The following CNTNAP2 variants were observed in gnomAD, a reference collection of about 807,000 sequenced individuals.
The protein encoded by CNTNAP2 is contactin associated protein 2.
Under a neutral mutation model 155.2 loss-of-function variants are expected in CNTNAP2, and 98 were observed. That is an observed-to-expected ratio of 0.63 (90% CI 0.54 to 0.75). The LOEUF (loss-of-function observed/expected upper bound fraction) is 0.75, where lower values mean the gene tolerates loss of function less well. Among genes scored for constraint, CNTNAP2 ranks in the 30% least tolerant of loss-of-function variants. The probability of loss-of-function intolerance (pLI) is 0.00; values close to 1 mark genes in which losing one functional copy is unlikely to be tolerated. For missense variants in CNTNAP2, 1,727 were observed against 1,688.1 expected, an observed-to-expected ratio of 1.02 and a Z score of -0.40; for synonymous variants, 651 against 631.2, an observed-to-expected ratio of 1.03 and a Z score of -0.47.
intron 11 of CNTNAP2, among the ~76,000 whole-genome samples, chr7:147,487,383 A>G (rs1798528650): frequency 6.6e-6 from 1 of 152,220 alleles, no homozygotes; most frequent in Non-Finnish European, 1.5e-5. Flanking sequence ...TATAACTAAA[A>G]TTGTTCCTTA....
intron 11 of CNTNAP2, among the ~76,000 whole-genome samples, chr7:147,525,566 T>C (rs573801595): frequency 1.3e-5 from 2 of 152,158 alleles, no homozygotes; most frequent in Non-Finnish European, 2.9e-5. Flanking sequence ...GCAGCAGATA[T>C]AGTTGGATGG....
At chr7:147,332,326 T>G (rs889558896) in intron 9 of CNTNAP2, among the ~76,000 whole-genome samples, 1 of 152,326 alleles carries the variant, frequency 6.6e-6, no homozygotes, top group East Asian at 1.9e-4. Context: ...ATAAGTGTTT[T>G]TGTGTATTTG....
At chr7:148,361,980 C>T (rs942047707) in intron 21 of CNTNAP2, among the ~76,000 whole-genome samples, 11 of 151,946 alleles carry the variant, frequency 7.2e-5, no homozygotes, top group African/African-American at 2.2e-4. Context: ...GAGGCCAAGG[C>T]GAGCAGATCA....
chr7:147,172,984 C>G (rs957109679), intron 8 of CNTNAP2, among the ~76,000 whole-genome samples: 1 of 152,132 alleles, frequency 6.6e-6, no homozygotes, highest in African/African-American at 2.4e-5. Flanking sequence ...AGAAAGAATA[C>G]ATATTGATTG....
chr7:147,183,436 A>C (rs1190322921), intron 8 of CNTNAP2, among the ~76,000 whole-genome samples: 1 of 152,176 alleles, frequency 6.6e-6, no homozygotes, highest in South Asian at 2.1e-4. Flanking sequence ...GACTTGGAGG[A>C]GTCCTTTACA....
chr7:146,610,581 C>T (rs1185492542), intron 1 of CNTNAP2, among the ~76,000 whole-genome samples: 1 of 152,104 alleles, frequency 6.6e-6, no homozygotes, highest in Non-Finnish European at 1.5e-5. Context: ...ATTCTACTAT[C>T]ATCTCAAAAT....
intron 15 of CNTNAP2, among the ~76,000 whole-genome samples, chr7:148,096,320 C>T (rs999489574): frequency 5.3e-5 from 8 of 149,622 alleles, no homozygotes; most frequent in Admixed American, 3.3e-4. Flanking sequence ...TGTGTGGTCA[C>T]AGTGAAACAT....
intron 15 of CNTNAP2, among the ~76,000 whole-genome samples, chr7:148,098,721 C>CATTAAAATAAA (rs2116576598): frequency 6.6e-6 from 1 of 152,142 alleles, no homozygotes; most frequent in African/African-American, 2.4e-5. Context: ...TCTTTACGTG[C>CATTAAAATAAA]TATGTATTCC....
intron 1 of CNTNAP2, among the ~76,000 whole-genome samples, chr7:146,569,801 G>A (rs1563139016): frequency 6.6e-6 from 1 of 152,154 alleles, no homozygotes; most frequent in Non-Finnish European, 1.5e-5. Flanking sequence ...CTACAAGACA[G>A]TGTCACGTGC....
intron 11 of CNTNAP2, among the ~76,000 whole-genome samples, chr7:147,546,165 T>A (rs1799725957): frequency 6.6e-6 from 1 of 152,188 alleles, no homozygotes; most frequent in Admixed American, 6.5e-5. Flanking sequence ...ACAAGCCATA[T>A]GATCAGACCC....
chr7:147,193,308 T>C, intron 8 of CNTNAP2, among the ~76,000 whole-genome samples: 1 of 152,230 alleles, frequency 6.6e-6, no homozygotes, highest in East Asian at 1.9e-4. Context: ...TGAGCTGGAT[T>C]TCCAACCAAG....
At chr7:147,632,959 A>G (rs888430951) in intron 12 of CNTNAP2, among the ~76,000 whole-genome samples, 2 of 152,244 alleles carry the variant, frequency 1.3e-5, no homozygotes, top group Non-Finnish European at 2.9e-5. Flanking sequence ...AAGAGGAAGC[A>G]GAGCATAAAA....
chr7:146,815,021 A>C (rs979530906), intron 2 of CNTNAP2, among the ~76,000 whole-genome samples: 16 of 152,164 alleles, frequency 1.1e-4, no homozygotes, highest in African/African-American at 3.9e-4. Flanking sequence ...TTTTTCAGTT[A>C]TCGAACATGT....
intron 1 of CNTNAP2, among the ~76,000 whole-genome samples, chr7:146,759,219 G>A (rs556730031): frequency 1.8e-4 from 28 of 152,070 alleles, no homozygotes; most frequent in South Asian, 4.2e-4. Flanking sequence ...ATATTTTTAC[G>A]TTTAGATTAC....
At chr7:146,678,837 T>A (rs1488391177) in intron 1 of CNTNAP2, among the ~76,000 whole-genome samples, 1 of 152,182 alleles carries the variant, frequency 6.6e-6, no homozygotes, top group East Asian at 1.9e-4. Context: ...GTAAAGTAGG[T>A]GGAGTAATTT....
chr7:147,872,539 A>G (rs1339242193), intron 13 of CNTNAP2, among the ~76,000 whole-genome samples: 1 of 152,218 alleles, frequency 6.6e-6, no homozygotes, highest in East Asian at 1.9e-4. Context: ...AGCTCTTTCA[A>G]CAAATAAACA....
intron 1 of CNTNAP2, among the ~76,000 whole-genome samples, chr7:146,134,940 A>G (rs1275010163): frequency 2.6e-5 from 4 of 151,640 alleles, no homozygotes; most frequent in Non-Finnish European, 5.9e-5. Context: ...TGAGTTAGGG[A>G]GGATTCCCTC....
At position 146,598,418 on chromosome 7, in the gene CNTNAP2, A is replaced by G. The variant is rs577146491; in HGVS notation, c.98-175853A>G. Reference sequence around the variant, plus strand: ...TAGATCTCCTGGAGAGTTATTTTTTATACTCACTGTCTGTACTGTTTCCTG... The same window carrying G: ...TAGATCTCCTGGAGAGTTATTTTTTGTACTCACTGTCTGTACTGTTTCCTG... On this transcript the variant is annotated intron_variant, in intron 1 of 23. Transcript: ENST00000361727. Among the ~76,000 whole-genome samples, 17 of 151,932 alleles carry G rather than the reference A, an allele frequency of 1.1e-4. No homozygotes were observed. In the South Asian group the frequency reaches 3.5e-3, roughly 31 times the overall value.
chr7:146,256,318 A>G (rs1799836067), intron 1 of CNTNAP2, among the ~76,000 whole-genome samples: 1 of 152,344 alleles, frequency 6.6e-6, no homozygotes, highest in Non-Finnish European at 1.5e-5. Context: ...TAAATGGAAC[A>G]TATAATAAAA....
Sources: gnomAD v4.1 joint callset for allele counts (sites outside exome capture counted in the v4.1 genomes callset) on GRCh38, gnomAD v4.1.1 for gene constraint, MANE v1.5 for transcripts, NCBI Gene and HGNC (gene_info 2026-07-23, HGNC 2026-07-21) for gene names.